The following ZC3H6 variants were observed in gnomAD, a reference collection of about 807,000 sequenced individuals.
ZC3H6 encodes the protein zinc finger CCCH domain-containing protein 6.
ZC3H6 carries 40 observed loss-of-function variants against 107.7 expected under a neutral mutation model. That is an observed-to-expected ratio of 0.37 (90% confidence interval 0.29 to 0.48). The LOEUF (loss-of-function observed/expected upper bound fraction) is 0.48, where lower values mean the gene tolerates loss of function less well. Among genes scored for constraint, ZC3H6 ranks in the 20% least tolerant of loss-of-function variants. The pLI is 0.98. For synonymous variants in ZC3H6, 493 were observed against 487.9 expected (o/e 1.01, Z -0.14); for missense variants, 1,267 against 1,410.4 (o/e 0.90, Z 1.63).
chr2:112,286,145 C>T (rs977841430), intron 1 of ZC3H6: 8 of 409,430 alleles, frequency 2.0e-5, no homozygotes, highest in Non-Finnish European at 3.7e-5. Context: ...AACATAATAC[C>T]AGAAGAAGAG....
chr2:112,291,935 C>T (rs574297020), intron 1 of ZC3H6, among the ~76,000 whole-genome samples: 16 of 152,268 alleles, frequency 1.1e-4, no homozygotes, highest in Admixed American at 6.5e-4. Flanking sequence ...CCAGGCTGGT[C>T]TCGAACTCCT....
intron 1 of ZC3H6, among the ~76,000 whole-genome samples, chr2:112,285,645 A>G (rs1686593880): frequency 1.3e-5 from 2 of 151,916 alleles, no homozygotes; most frequent in Admixed American, 1.3e-4. Flanking sequence ...GGTGTGAGCC[A>G]CTGCACCTAA....
chr2:112,295,347 G>C (rs900314211), intron 1 of ZC3H6, among the ~76,000 whole-genome samples: 5 of 152,002 alleles, frequency 3.3e-5, no homozygotes, highest in Non-Finnish European at 5.9e-5. Flanking sequence ...CTTGTGTTTA[G>C]TAAACAAAAC....
chr2:112,324,004 C>T lies in ZC3H6; in HGVS notation c.1341-148C>T, dbSNP rs1048934043. 7.5e-6 allele frequency: 6 copies of T among 800,406 alleles called. No individual in the cohort carries two copies. In the South Asian group the frequency reaches 8.6e-5, roughly 12 times the overall value. 49.6% of individuals were successfully genotyped at this position (800,406 alleles called of 1,614,324 possible). On this transcript the variant is annotated intron_variant, in intron 9 of 11. Coordinates refer to ENST00000409871, the MANE Select transcript of ZC3H6 (RefSeq NM_198581.3). ...AGGTCTATTTCGTGTTTCTACCTAT[C>T]GACGCTATGGAACAAATTGCTTCTT... is the stretch of plus-strand genomic sequence containing the variant.
At chr2:112,289,388 G>C (rs550671461) in intron 1 of ZC3H6, among the ~76,000 whole-genome samples, 1 of 150,018 alleles carries the variant, frequency 6.7e-6, no homozygotes, top group African/African-American at 2.5e-5. Flanking sequence ...GCAGTGGCGC[G>C]ATCTTGGCTC....
chr2:112,332,007 C>T lies in ZC3H6; in HGVS notation c.3089C>T (p.Ser1030Phe). The change falls in exon 12 of 12, where the codon TCC becomes TTC. Residue 1030 changes from serine (S) to phenylalanine (F), a missense_variant. By Grantham distance (155) the Ser-to-Phe change is radical. This residue lies in a region of ZC3H6 where 925 missense variants were observed against 1,025.7 expected (regional missense o/e 0.90). Coordinates refer to ENST00000409871, the MANE Select transcript of ZC3H6 (RefSeq NM_198581.3). ...ALPPYAPKLS[S>F]SAGLPLGTST... Reference sequence around the variant, plus strand: ...CCTCCATATGCCCCTAAACTCTCTTCCTCAGCTGGCCTTCCACTGGGAACT... The same window carrying T: ...CCTCCATATGCCCCTAAACTCTCTTTCTCAGCTGGCCTTCCACTGGGAACT... The T allele has an allele frequency of 6.2e-7, 1 of 1,614,042 alleles. No individual in the cohort carries two copies. Among genetic ancestry groups the T allele is most frequent in the South Asian group, 1.1e-5 (1 of 91,086 alleles).
At chr2:112,280,759 A>T (rs1052862861) in intron 1 of ZC3H6, among the ~76,000 whole-genome samples, 3 of 152,174 alleles carry the variant, frequency 2.0e-5, no homozygotes, top group African/African-American at 7.2e-5. Flanking sequence ...TAAATGGCAC[A>T]AGTAGGTTCA....
intron 11 of ZC3H6, among the ~76,000 whole-genome samples, 177 bp downstream of exon 11, chr2:112,325,374 G>A (rs1366778339): frequency 6.6e-6 from 1 of 152,080 alleles, no homozygotes; most frequent in African/African-American, 2.4e-5. Context: ...TGTGCCTGTA[G>A]TACCAGCTAC....
chr2:112,277,778 TG>T (rs1256907657), intron 1 of ZC3H6, among the ~76,000 whole-genome samples: 1 of 106,162 alleles, frequency 9.4e-6, no homozygotes, highest in Non-Finnish European at 1.7e-5. Flanking sequence ...ATGAAGGAGA[TG>T]GTTTTTTTTT....
intron 5 of ZC3H6, among the ~76,000 whole-genome samples, chr2:112,314,554 A>C (rs1161307300): frequency 6.6e-6 from 1 of 151,908 alleles, no homozygotes; most frequent in East Asian, 1.9e-4. Context: ...AACTTGTTGC[A>C]TTTTTCAGGG....
intron 1 of ZC3H6, among the ~76,000 whole-genome samples, chr2:112,292,637 C>T (rs1676144050): frequency 6.6e-6 from 1 of 152,184 alleles, no homozygotes; most frequent in South Asian, 2.1e-4. Flanking sequence ...TCAACCTTCC[C>T]TCCACATTCA....
Position 112,336,068 on chromosome 2 carries a change from T to G in ZC3H6, c.*3580T>G, listed in dbSNP as rs1196697507. 6.6e-6 allele frequency: 1 copy of G among 152,234 alleles called. No individual in the cohort carries two copies. The highest frequency in any genetic ancestry group is 2.4e-5 in the African/African-American group (1 of 41,462). 9.4% of individuals were successfully genotyped at this position (152,234 alleles called of 1,614,324 possible). ...AGATATATTCACACCCAGTCTGTAATATGTATTTCTTCAGGCATGTCACAC... is the reference window on the plus strand; with the variant it reads ...AGATATATTCACACCCAGTCTGTAAGATGTATTTCTTCAGGCATGTCACAC... On this transcript the variant is annotated 3_prime_UTR_variant, in exon 12 of 12. Coordinates refer to ENST00000409871, the MANE Select transcript of ZC3H6 (RefSeq NM_198581.3).
Position 112,338,869 on chromosome 2 carries a change from A to G in ZC3H6, c.*6381A>G, listed in dbSNP as rs1351079661. ...TGTATATGTGTGTATATATATATAT[A>G]TATATATATATATATATATATATAT... On this transcript the variant is annotated 3_prime_UTR_variant, in exon 12 of 12. Coordinates refer to ENST00000409871, the MANE Select transcript of ZC3H6 (RefSeq NM_198581.3). 0.01 allele frequency: 96 copies of G among 9,152 alleles called. 1 individual carries two copies. In the African/African-American group the frequency reaches 0.11, roughly 11 times the overall value. The allele number at this position is 9,152 out of a possible 1,614,324, so 0.6% of individuals were successfully genotyped here. A position where few individuals can be genotyped will look rare whatever the true frequency, so the allele number is the denominator to read the frequency against.
Position 112,331,385 on chromosome 2 carries a change from G to A in ZC3H6, c.2467G>A (p.Asp823Asn), listed in dbSNP as rs1677029061. 6.2e-7 allele frequency: 1 copy of A among 1,613,712 alleles called. No homozygotes were observed. The highest frequency in any genetic ancestry group is 2.2e-5 in the East Asian group (1 of 44,884). The change falls in exon 12 of 12, where the codon GAT becomes AAT. Residue 823 changes from aspartate (D) to asparagine (N), a missense_variant. Around this residue, in one of 3 missense-constraint regions of ZC3H6, gnomAD observed 925 missense variants for 1,025.7 expected, o/e 0.90. Transcript: ENST00000409871. Reference sequence around the variant, plus strand: ...TAATGTCAAACACAAAAGAGGCGATGATGATGATGAAGATACAGAAAGAGA... The same window carrying A: ...TAATGTCAAACACAAAAGAGGCGATAATGATGATGAAGATACAGAAAGAGA... The part of the protein sequence containing the change: ...GTNVKHKRGD[D>N]DDEDTERELR...
In ZC3H6 at chr2:112,331,676, G is replaced by A; in HGVS notation, c.2758G>A (p.Asp920Asn). 1 of 1,613,880 alleles carries A rather than the reference G, an allele frequency of 6.2e-7. No individual in the cohort carries two copies. The highest frequency in any genetic ancestry group is 8.5e-7 in the Non-Finnish European group (1 of 1,179,868). ...AAATAGATTATGGAATACAAAAAGT[G>A]ATCTTCATCAAAATACAGTGTCCAT... The part of the protein sequence containing the change: ...RLNRLWNTKS[D>N]LHQNTVSIDP... Residue 920 changes from aspartate to asparagine, a missense_variant, in exon 12 of 12, where the codon GAT (aspartate) becomes AAT (asparagine). Asp to Asn is a conservative substitution (Grantham distance 23). Around this residue, in one of 3 missense-constraint regions of ZC3H6, gnomAD observed 925 missense variants for 1,025.7 expected, o/e 0.90. Transcript: ENST00000409871.
Position 112,331,411 on chromosome 2 carries a change from A to C in ZC3H6, c.2493A>C (p.Glu831Asp). 1 of 1,613,656 alleles carries C rather than the reference A, an allele frequency of 6.2e-7. No homozygotes were observed. The change falls in exon 12 of 12, where the codon GAA becomes GAC. Residue 831 changes from glutamate to aspartate, a missense_variant. Physicochemically the swap from Glu to Asp is conservative, Grantham distance 45. Transcript: ENST00000409871. ...ATGATGATGAAGATACAGAAAGAGA[A>C]CTGAGAGAAAAAGCTTTCTTAATAC... ...GDDDDEDTER[E>D]LREKAFLIPL...
intron 1 of ZC3H6, among the ~76,000 whole-genome samples, chr2:112,297,783 TTTTG>T (rs751940732): frequency 1.7e-4 from 24 of 145,388 alleles, no homozygotes; most frequent in East Asian, 1.2e-3. Context: ...AAATTTGGTT[TTTTG>T]TTTGTTTGTT....
chr2:112,292,206 C>T (rs1407707031), intron 1 of ZC3H6, among the ~76,000 whole-genome samples: 3 of 152,134 alleles, frequency 2.0e-5, no homozygotes, highest in African/African-American at 7.2e-5. Flanking sequence ...GGGAACCTGG[C>T]ACAGTTTTAA....
At chr2:112,327,551 C>A (rs570286657) in intron 11 of ZC3H6, among the ~76,000 whole-genome samples, 2 of 152,128 alleles carry the variant, frequency 1.3e-5, no homozygotes, top group Non-Finnish European at 2.9e-5. Context: ...TGGTTGCCTA[C>A]GCTTGTGAGG....
Sources: allele counts gnomAD v4.1 joint callset (sites outside exome capture counted in the v4.1 genomes callset), GRCh38; gene constraint gnomAD v4.1.1; regional missense constraint gnomAD v4.1.1; transcripts MANE v1.5; gene names NCBI Gene and HGNC (gene_info 2026-07-23, HGNC 2026-07-21).